Variants in PAPPA observed in about 807,000 individuals in gnomAD.
PAPPA encodes pappalysin-1.
PAPPA carries 60 observed loss-of-function variants against 164.0 expected under a neutral mutation model. The observed-to-expected ratio is 0.37, with a 90% CI of 0.30 to 0.45. PAPPA has a LOEUF of 0.45. Ranked by LOEUF, PAPPA falls within the 20% of genes least tolerant of loss-of-function variation. PAPPA has a pLI of 1.00. For missense variants in PAPPA, 1,782 were observed against 2,087.3 expected, an observed-to-expected ratio of 0.85 and a Z score of 2.85; for synonymous variants, 875 against 814.1, an observed-to-expected ratio of 1.07 and a Z score of -1.27.
chr9:116,351,503 C>A (rs1846281982), intron 15 of PAPPA, among the ~76,000 whole-genome samples: 1 of 152,206 alleles, frequency 6.6e-6, no homozygotes, highest in South Asian at 2.1e-4. Flanking sequence ...CAATTGTTTG[C>A]TTTCCACAGA....
At chr9:116,387,461 C>T (rs1846830620) in intron 21 of PAPPA, among the ~76,000 whole-genome samples, 1 of 152,310 alleles carries the variant, frequency 6.6e-6, no homozygotes. Flanking sequence ...GCCTCAACCT[C>T]CTAATAAGCT....
At position 116,397,076 on chromosome 9, in the gene PAPPA, G is replaced by A. The variant is rs1269165518; in HGVS notation, c.*460G>A. 6.4e-6 allele frequency: 1 copy of A among 156,206 alleles called. No individual in the cohort carries two copies. Among genetic ancestry groups the A allele is most frequent in the Non-Finnish European group, 1.4e-5 (1 of 70,494 alleles). 9.7% of individuals were successfully genotyped at this position (156,206 alleles called of 1,614,324 possible). A position where few individuals can be genotyped will look rare whatever the true frequency, so the allele number is the denominator to read the frequency against. On this transcript the variant is annotated 3_prime_UTR_variant, in exon 22 of 22. Coordinates refer to ENST00000328252, the MANE Select transcript of PAPPA (RefSeq NM_002581.5). Reference sequence around the variant, plus strand: ...AAGCTCCTAGCCAACACTATCCTTGGGAGAAAGAAATTTGCAGAAACTGCT... The same window carrying A: ...AAGCTCCTAGCCAACACTATCCTTGAGAGAAAGAAATTTGCAGAAACTGCT...
intron 17 of PAPPA, 61 bp downstream of exon 17, chr9:116,353,854 C>A: frequency 7.8e-7 from 1 of 1,288,026 alleles, no homozygotes. Flanking sequence ...TTACCAAAAA[C>A]TAGCCTGTAC....
In PAPPA at chr9:116,207,917, T is replaced by G. The variant is rs981177908; in HGVS notation, c.1624+316T>G. ...GACAGTCACAATTGGAATTTAAGTTTCCAACACTGCCCATTGTTTGCTTTC... is the reference window on the plus strand; with the variant it reads ...GACAGTCACAATTGGAATTTAAGTTGCCAACACTGCCCATTGTTTGCTTTC... On this transcript the variant is annotated intron_variant, in intron 3 of 21. Transcript: ENST00000328252. Among the ~76,000 whole-genome samples, 8 of 152,298 alleles carry G rather than the reference T, an allele frequency of 5.3e-5. No individual in the cohort carries two copies. In the East Asian group the frequency reaches 1.4e-3, roughly 26 times the overall value.
At chr9:116,322,949 G>A (rs1845877931) in intron 10 of PAPPA, among the ~76,000 whole-genome samples, 1 of 152,156 alleles carries the variant, frequency 6.6e-6, no homozygotes, top group African/African-American at 2.4e-5. Context: ...AAATTGGAGA[G>A]GTTGGACTAG....
intron 4 of PAPPA, 117 bp from the exon 5 acceptor site, chr9:116,219,820 A>T: frequency 5.4e-6 from 4 of 742,472 alleles, no homozygotes; most frequent in South Asian, 5.2e-5. Flanking sequence ...GCCAGCCCTG[A>T]GTTGGCAAGG....
chr9:116,163,604 G>T (rs539954475), intron 1 of PAPPA, among the ~76,000 whole-genome samples: 30 of 152,098 alleles, frequency 2.0e-4, no homozygotes, highest in Non-Finnish European at 3.7e-4. Context: ...CCTCATCAAG[G>T]CTGTCCTCAG....
intron 9 of PAPPA, among the ~76,000 whole-genome samples, chr9:116,292,148 C>T (rs185142345): frequency 2.0e-5 from 3 of 152,222 alleles, no homozygotes; most frequent in African/African-American, 7.2e-5. Context: ...GCAAGGAGGA[C>T]AGTAACAGAA....
At chr9:116,316,960 A>C (rs1014382322) in intron 10 of PAPPA, among the ~76,000 whole-genome samples, 3 of 152,208 alleles carry the variant, frequency 2.0e-5, no homozygotes, top group Non-Finnish European at 4.4e-5. Flanking sequence ...AGTGAGAAGC[A>C]GGACTCAGAG....
Position 116,244,860 on chromosome 9 carries a change from A to G in PAPPA, c.2732+9223A>G, listed in dbSNP as rs1017666634. 4.6e-5 allele frequency among the ~76,000 whole-genome samples: 7 copies of G among 152,256 alleles called. No individual in the cohort carries two copies. In the South Asian group the frequency reaches 1.2e-3, roughly 27 times the overall value. Reference sequence around the variant, plus strand: ...AATCATTAGAAAGATACCTGCACCCATATGTTTATCACAGCACTGTTCACA... The same window carrying G: ...AATCATTAGAAAGATACCTGCACCCGTATGTTTATCACAGCACTGTTCACA... On this transcript the variant is annotated intron_variant, in intron 7 of 21. Coordinates refer to ENST00000328252, the MANE Select transcript of PAPPA (RefSeq NM_002581.5).
At chr9:116,315,455 T>C (rs536840760) in intron 10 of PAPPA, among the ~76,000 whole-genome samples, 1 of 152,344 alleles carries the variant, frequency 6.6e-6, no homozygotes, top group Non-Finnish European at 1.5e-5. Flanking sequence ...AATTTCATGA[T>C]AAATACTGAT....
Position 116,154,155 on chromosome 9 carries a change from C to CGGGGGGGGGGGGGAGGGGGGGGG in PAPPA, c.-12_-11insGGGGGGGAGGGGGGGGGGGGGGG. ...TGGCGGTGCAGGGGCGAAGGGGGGG[C>CGGGGGGGGGGGGGAGGGGGGGGG]GGGGGGAACCGTCGGACATGCGGCT... is the stretch of plus-strand genomic sequence containing the variant. On this transcript the variant is annotated 5_prime_UTR_variant, in exon 1 of 22. Coordinates refer to ENST00000328252, the MANE Select transcript of PAPPA (RefSeq NM_002581.5). This position sits in a 1 kb window ranked among gnomAD's most constrained non-coding sequence, Gnocchi z 5.2. 4.3e-6 allele frequency: 2 copies of CGGGGGGGGGGGGGAGGGGGGGGG among 464,986 alleles called. No individual in the cohort carries two copies. Among genetic ancestry groups the CGGGGGGGGGGGGGAGGGGGGGGG allele is most frequent in the Non-Finnish European group, 2.9e-6 (1 of 345,718 alleles). The allele number at this position is 464,986 out of a possible 1,614,324, so 28.8% of individuals were successfully genotyped here. A position where few individuals can be genotyped will look rare whatever the true frequency, so the allele number is the denominator to read the frequency against.
At chr9:116,275,819 G>A (rs1845190521) in intron 9 of PAPPA, among the ~76,000 whole-genome samples, 2 of 152,010 alleles carry the variant, frequency 1.3e-5, no homozygotes, top group Admixed American at 6.6e-5. Flanking sequence ...CAGATTTATG[G>A]TGACATTCCC....
At chr9:116,332,294 G>A (rs1209151806) in intron 11 of PAPPA, 39 bp from the exon 12 acceptor site, 2 of 1,585,082 alleles carry the variant, frequency 1.3e-6, no homozygotes, top group Middle Eastern at 2.1e-4. Context: ...CCACATGACT[G>A]AGTGCACATG....
intron 2 of PAPPA, among the ~76,000 whole-genome samples, chr9:116,203,556 A>G (rs900365435): frequency 2.0e-5 from 3 of 152,194 alleles, no homozygotes; most frequent in African/African-American, 7.2e-5. Context: ...ACTCATTTTC[A>G]GATAGAGGTG....
chr9:116,200,419 T>C (rs1298757492), intron 2 of PAPPA, among the ~76,000 whole-genome samples: 1 of 152,126 alleles, frequency 6.6e-6, no homozygotes, highest in African/African-American at 2.4e-5. Context: ...TCCAACAGAC[T>C]AGGGGTTGTG....
intron 6 of PAPPA, among the ~76,000 whole-genome samples, chr9:116,227,757 C>T (rs1033656727): frequency 6.6e-6 from 1 of 152,180 alleles, no homozygotes; most frequent in East Asian, 1.9e-4. Context: ...ATGTTGTTCT[C>T]ATATTACAAA....
intron 1 of PAPPA, among the ~76,000 whole-genome samples, chr9:116,180,161 T>C (rs1181649177): frequency 6.6e-6 from 1 of 152,114 alleles, no homozygotes; most frequent in Non-Finnish European, 1.5e-5. Flanking sequence ...GGAAGGGACC[T>C]CTGTGACCAT....
intron 13 of PAPPA, among the ~76,000 whole-genome samples, chr9:116,335,557 T>G (rs957725745): frequency 1.2e-4 from 18 of 152,172 alleles, no homozygotes; most frequent in African/African-American, 4.3e-4. Flanking sequence ...TCTCTATGTC[T>G]TCCACAAGCC....
Sources: allele counts gnomAD v4.1 joint callset (sites outside exome capture counted in the v4.1 genomes callset), GRCh38; gene constraint gnomAD v4.1.1; non-coding constraint Gnocchi (gnomAD v3.1); transcripts MANE v1.5; gene names NCBI Gene and HGNC (gene_info 2026-07-23, HGNC 2026-07-21).